Variants in PDE4D observed in about 807,000 individuals in gnomAD.
The protein encoded by PDE4D is 3',5'-cyclic-AMP phosphodiesterase 4D.
In PDE4D, 24 loss-of-function variants were observed where a neutral mutation model predicts 87.4. That is an observed-to-expected ratio of 0.27 (90% confidence interval 0.20 to 0.39). The LOEUF is 0.39. PDE4D is among the 10% of genes least tolerant of loss of function. The pLI, the probability that PDE4D is intolerant of heterozygous loss-of-function variation, is 1.00. For missense variants in PDE4D, 714 were observed against 1,041.0 expected, an observed-to-expected ratio of 0.69 and a Z score of 4.32; for synonymous variants, 384 against 383.2, an observed-to-expected ratio of 1.00 and a Z score of -0.02.
intron 1 of PDE4D, among the ~76,000 whole-genome samples, chr5:60,186,509 A>T (rs1784795284): frequency 6.6e-6 from 1 of 152,178 alleles, no homozygotes; most frequent in Non-Finnish European, 1.5e-5. Flanking sequence ...ACATATTTAT[A>T]AGATATATTT....
chr5:59,754,101 A>G (rs980497508), intron 1 of PDE4D, among the ~76,000 whole-genome samples: 1 of 152,146 alleles, frequency 6.6e-6, no homozygotes, highest in African/African-American at 2.4e-5. Flanking sequence ...AGGCTGAGAC[A>G]GGCAGATCTC....
intron 1 of PDE4D, among the ~76,000 whole-genome samples, chr5:59,834,797 C>G (rs901898966): frequency 6.6e-6 from 1 of 151,998 alleles, no homozygotes; most frequent in African/African-American, 2.4e-5. Flanking sequence ...GGTAAATAAA[C>G]CACGTTGAAA....
chr5:59,100,820 C>A (rs1039814296), intron 5 of PDE4D, among the ~76,000 whole-genome samples: 4 of 152,150 alleles, frequency 2.6e-5, no homozygotes, highest in Non-Finnish European at 5.9e-5. Flanking sequence ...TCACTGGAGA[C>A]CAGGGCTGCC....
chr5:59,767,186 TTTAG>T lies in PDE4D; in HGVS notation c.455+125978_455+125981del, dbSNP rs1396237633. 1.4e-4 allele frequency among the ~76,000 whole-genome samples: 21 copies of T among 152,340 alleles called. 1 individual carries two copies. The highest frequency in any genetic ancestry group is 3.4e-3 in the Middle Eastern group (1 of 294). ...CCTCCCATTGCTAACGTACATACTG[TTTAG>T]TTAGTTATGGCAAAACTGTAAAAAA... On this transcript the variant is annotated intron_variant, in intron 1 of 14. Transcript: ENST00000340635.
At chr5:59,273,096 G>A (rs1342965024) in intron 1 of PDE4D, among the ~76,000 whole-genome samples, 2 of 152,156 alleles carry the variant, frequency 1.3e-5, no homozygotes, top group Non-Finnish European at 2.9e-5. Flanking sequence ...GTATTTTGGA[G>A]ATCAACCTGG....
chr5:59,233,707 G>A (rs1755742988), intron 1 of PDE4D, among the ~76,000 whole-genome samples: 2 of 152,130 alleles, frequency 1.3e-5, no homozygotes, highest in South Asian at 4.1e-4. Flanking sequence ...GAGTTTCAGT[G>A]TATTTCTGGT....
At chr5:59,114,510 C>T (rs1773237914) in intron 5 of PDE4D, among the ~76,000 whole-genome samples, 1 of 151,990 alleles carries the variant, frequency 6.6e-6, no homozygotes, top group African/African-American at 2.4e-5. Context: ...CCAAGCTTTG[C>T]AGAAGAGGTT....
intron 2 of PDE4D, among the ~76,000 whole-genome samples, chr5:60,179,311 T>G (rs1562188990): frequency 6.6e-6 from 1 of 152,104 alleles, no homozygotes; most frequent in Admixed American, 6.5e-5. Context: ...ACTTGTGAAC[T>G]GACAAGAGTG....
chr5:59,469,792 C>G (rs745335833), intron 1 of PDE4D, among the ~76,000 whole-genome samples: 1 of 152,092 alleles, frequency 6.6e-6, no homozygotes, highest in African/African-American at 2.4e-5. Context: ...GAGAGAACAT[C>G]CACGTGCTGA....
intron 1 of PDE4D, among the ~76,000 whole-genome samples, chr5:59,310,564 C>A (rs1772380561): frequency 6.6e-6 from 1 of 152,146 alleles, no homozygotes; most frequent in Non-Finnish European, 1.5e-5. Flanking sequence ...ACAATTCTTT[C>A]TCTGCCTTTT....
chr5:59,988,405 T>C (rs2152830568), intron 3 of PDE4D: 2 of 794,790 alleles, frequency 2.5e-6, no homozygotes, highest in Admixed American at 5.7e-5. Context: ...AATCAAGCAA[T>C]GAGCCACAAA....
At position 60,199,060 on chromosome 5, in the gene PDE4D, C is replaced by A. The variant is rs1208384199; in HGVS notation, c.-89-13373G>T. ...AGTGAGGTCAAATGAACATTTCAAA[C>A]CTTATACTCAGAGATTTGAAATCCT... On this transcript the variant is annotated intron_variant, in intron 1 of 16. Coordinates refer to the PDE4D transcript ENST00000502484. Among the ~76,000 whole-genome samples the A allele has an allele frequency of 5.9e-5, 9 of 151,702 alleles. No individual in the cohort carries two copies. The East Asian group carries it at 1.7e-3, about 29-fold the overall frequency.
intron 1 of PDE4D, among the ~76,000 whole-genome samples, chr5:60,295,427 C>A (rs1457160380): frequency 6.6e-6 from 1 of 152,204 alleles, no homozygotes; most frequent in African/African-American, 2.4e-5. Context: ...TGTTCCCAAT[C>A]TTATGGGAAA....
chr5:60,106,953 A>G (rs1269214167), intron 2 of PDE4D, among the ~76,000 whole-genome samples: 6 of 151,910 alleles, frequency 3.9e-5, no homozygotes, highest in African/African-American at 1.5e-4. Flanking sequence ...AAAGAACTAG[A>G]AAAGCAAGAG....
At chr5:58,986,945 G>A (rs781189915) in intron 11 of PDE4D, among the ~76,000 whole-genome samples, 2 of 114,906 alleles carry the variant, frequency 1.7e-5, no homozygotes, top group Non-Finnish European at 3.6e-5. Context: ...CAGTTTGAAT[G>A]TTTGGTGTTT....
At chr5:60,299,907 G>A (rs58421698) in intron 1 of PDE4D, among the ~76,000 whole-genome samples, 1 of 152,068 alleles carries the variant, frequency 6.6e-6, no homozygotes, top group African/African-American at 2.4e-5. Flanking sequence ...ATTCCTTTGG[G>A]TATATAGCCA....
chr5:58,982,905 T>A (rs1205118111), intron 11 of PDE4D, among the ~76,000 whole-genome samples: 1 of 152,206 alleles, frequency 6.6e-6, no homozygotes, highest in African/African-American at 2.4e-5. Flanking sequence ...CACACTTTGG[T>A]GAGCATTCCT....
At chr5:59,941,503 T>C (rs1163564996) in intron 3 of PDE4D, among the ~76,000 whole-genome samples, 1 of 152,216 alleles carries the variant, frequency 6.6e-6, no homozygotes, top group Non-Finnish European at 1.5e-5. Context: ...CCTTTCACCA[T>C]AGCTTCCACT....
At chr5:59,646,655 G>A (rs542022452) in intron 1 of PDE4D, among the ~76,000 whole-genome samples, 4 of 152,054 alleles carry the variant, frequency 2.6e-5, no homozygotes, top group Non-Finnish European at 4.4e-5. Context: ...CGTTTTGAAC[G>A]CTTGTTTGGC....
Sources: allele counts gnomAD v4.1 joint callset (sites outside exome capture counted in the v4.1 genomes callset), GRCh38; gene constraint gnomAD v4.1.1; transcripts MANE v1.5; gene names NCBI Gene and HGNC (gene_info 2026-07-23, HGNC 2026-07-21).